Variants in RAPGEF1 observed in about 807,000 individuals in gnomAD.
The protein encoded by RAPGEF1 is CRK SH3-binding GNRP.
A neutral mutation model predicts 143.3 loss-of-function variants in RAPGEF1; 33 were observed. That is an observed-to-expected ratio of 0.23 (90% CI 0.17 to 0.31). RAPGEF1 has a LOEUF of 0.31. RAPGEF1 is among the 10% of genes least tolerant of loss of function. The pLI is 1.00. For missense variants in RAPGEF1, 1,199 were observed against 1,645.4 expected, an observed-to-expected ratio of 0.73 and a Z score of 4.69; for synonymous variants, 629 against 676.5, an observed-to-expected ratio of 0.93 and a Z score of 1.09.
Position 131,579,454 on chromosome 9 carries a change from C to T in RAPGEF1, c.*43G>A, listed in dbSNP as rs773637891. The T allele has an allele frequency of 1.2e-6, 2 of 1,605,444 alleles. No homozygotes were observed. Among genetic ancestry groups the T allele is most frequent in the South Asian group, 1.1e-5 (1 of 89,976 alleles). On this transcript the variant is annotated 3_prime_UTR_variant, in exon 27 of 27. Transcript: ENST00000683357. The stretch of plus-strand genomic sequence containing the variant: ...GGTCCTCTCCGGTCTGGGAGCTGCC[C>T]TCTGCGCCCCTCGAGCATTCTCCTG...
At chr9:131,643,702 A>G (rs536443591) in intron 3 of RAPGEF1, among the ~76,000 whole-genome samples, 6 of 152,182 alleles carry the variant, frequency 3.9e-5, no homozygotes, top group Admixed American at 3.9e-4. Context: ...GTCTGTCCTC[A>G]TCAGCCACAC....
chr9:131,735,966 C>A (rs1233384087), intron 1 of RAPGEF1, among the ~76,000 whole-genome samples: 2 of 152,144 alleles, frequency 1.3e-5, no homozygotes, highest in Admixed American at 6.5e-5. Context: ...GAATCCAGCC[C>A]GCAGCTGCCA....
intron 15 of RAPGEF1, among the ~76,000 whole-genome samples, chr9:131,601,657 G>A (rs1214610267): frequency 6.6e-6 from 1 of 152,190 alleles, no homozygotes; most frequent in Non-Finnish European, 1.5e-5. Context: ...TGTAAGCCCA[G>A]CACTTTGGGA....
At chr9:131,593,172 C>A (rs1954644552) in intron 17 of RAPGEF1, among the ~76,000 whole-genome samples, 1 of 152,222 alleles carries the variant, frequency 6.6e-6, no homozygotes, top group South Asian at 2.1e-4. Context: ...AGCCACTGGG[C>A]AGGTGTGGGC....
chr9:131,738,948 G>A (rs1270235130), intron 1 of RAPGEF1, among the ~76,000 whole-genome samples: 1 of 152,166 alleles, frequency 6.6e-6, no homozygotes, highest in Non-Finnish European at 1.5e-5. Context: ...TATGACCACA[G>A]GGCATGCTCC....
rs189364835 is a variant in RAPGEF1, at chr9:131,619,117, A to T, written c.1995T>A (p.Ala665=). 4 of 1,347,786 alleles carry T rather than the reference A, an allele frequency of 3.0e-6. No homozygotes were observed. In the East Asian group the frequency reaches 1.4e-4, roughly 48 times the overall value. The allele number at this position is 1,347,786 out of a possible 1,614,324, so 83.5% of individuals were successfully genotyped here. ...VAFTPEDGSA[A]QGLSVSVSNS... ...TAGAGACGGACACACTGAGGCCCTG[A>T]GCGGCACTGCCGTCCTCGGGGGTGA... Residue 665 remains alanine, a synonymous_variant, in exon 12 of 27, where the codon GCT becomes GCA. Transcript: ENST00000683357.
intron 1 of RAPGEF1, among the ~76,000 whole-genome samples, chr9:131,734,765 A>G (rs1291132447): frequency 6.6e-6 from 1 of 152,240 alleles, no homozygotes; most frequent in Non-Finnish European, 1.5e-5. Flanking sequence ...CTGAGAAAAT[A>G]TATCATGACA....
intron 3 of RAPGEF1, among the ~76,000 whole-genome samples, chr9:131,647,158 A>C (rs549559946): frequency 8.5e-5 from 13 of 152,360 alleles, no homozygotes; most frequent in Admixed American, 2.0e-4. Flanking sequence ...GTTGCAAAAA[A>C]GTTTAGAAGT....
rs1238915767 is a variant in RAPGEF1, at chr9:131,621,628, A to G, written c.1905+168T>C. Among the ~76,000 whole-genome samples, 1 of 152,166 alleles carries G rather than the reference A, an allele frequency of 6.6e-6. No individual in the cohort carries two copies. The highest frequency in any genetic ancestry group is 2.4e-5 in the African/African-American group (1 of 41,430). On this transcript the variant is annotated intron_variant, in intron 11 of 26. Coordinates refer to ENST00000683357, the MANE Select transcript of RAPGEF1 (RefSeq NM_001377935.1). The surrounding 1 kb of genome is among the most constrained non-coding windows in gnomAD (Gnocchi z 4.5). ...GGCGCTGGGCTGCTGGTGAGCATCT[A>G]AGGAGGAAGTAAAAGCATCTGTGTG...
At chr9:131,710,987 A>G (rs946410682) in intron 1 of RAPGEF1, among the ~76,000 whole-genome samples, 13 of 152,176 alleles carry the variant, frequency 8.5e-5, no homozygotes, top group Non-Finnish European at 1.8e-4. Context: ...ATCAAACAAA[A>G]GAGAACATTT....
At chr9:131,729,377 C>G (rs920278468) in intron 1 of RAPGEF1, among the ~76,000 whole-genome samples, 1 of 152,190 alleles carries the variant, frequency 6.6e-6, no homozygotes, top group African/African-American at 2.4e-5. Flanking sequence ...TACTTTAACT[C>G]GTAAGGGCCA....
At chr9:131,639,270 G>A (rs1279651402) in intron 4 of RAPGEF1, among the ~76,000 whole-genome samples, 1 of 152,168 alleles carries the variant, frequency 6.6e-6, no homozygotes, top group East Asian at 1.9e-4. Flanking sequence ...AAACAGGTCT[G>A]CAGTTTATTA....
chr9:131,669,424 G>C (rs1047401588), intron 1 of RAPGEF1, among the ~76,000 whole-genome samples: 1 of 152,110 alleles, frequency 6.6e-6, no homozygotes, highest in Non-Finnish European at 1.5e-5. Flanking sequence ...AGGCTGCACT[G>C]CACAGTGCAG....
At chr9:131,729,821 C>T (rs1836909795) in intron 1 of RAPGEF1, among the ~76,000 whole-genome samples, 1 of 152,194 alleles carries the variant, frequency 6.6e-6, no homozygotes, top group African/African-American at 2.4e-5. Context: ...TAGCATCGTT[C>T]CCGGCACACA....
At chr9:131,736,132 A>G (rs1371503716) in intron 1 of RAPGEF1, among the ~76,000 whole-genome samples, 2 of 152,130 alleles carry the variant, frequency 1.3e-5, no homozygotes, top group Non-Finnish European at 2.9e-5. Flanking sequence ...AGCTGCATAC[A>G]TCTCCCATCA....
At chr9:131,727,378 A>T (rs2131315646) in intron 1 of RAPGEF1, among the ~76,000 whole-genome samples, 1 of 152,278 alleles carries the variant, frequency 6.6e-6, no homozygotes, top group Admixed American at 6.5e-5. Context: ...CAGAGTTTCC[A>T]TCAGACTCCT....
At chr9:131,652,634 C>T (rs552033373) in intron 1 of RAPGEF1, among the ~76,000 whole-genome samples, 3 of 152,220 alleles carry the variant, frequency 2.0e-5, no homozygotes, top group East Asian at 3.9e-4. Context: ...CTTCCACCTC[C>T]CCATCTTGTC....
intron 5 of RAPGEF1, among the ~76,000 whole-genome samples, chr9:131,637,566 T>C (rs1966704852): frequency 1.3e-5 from 2 of 152,134 alleles, no homozygotes; most frequent in East Asian, 3.9e-4. Flanking sequence ...TTTTTTGACC[T>C]GGGGTAAACA....
rs76165200 is a variant in RAPGEF1, at chr9:131,673,707, C to T, written c.62-22758G>A. On this transcript the variant is annotated intron_variant, in intron 1 of 26. Coordinates refer to ENST00000683357, the MANE Select transcript of RAPGEF1 (RefSeq NM_001377935.1). Reference sequence around the variant, plus strand: ...CAAAAGCACCCCCCCGGCCGCCCCACCCAACAGAGAGGAAAGGAGGGGCCA... The same window carrying T: ...CAAAAGCACCCCCCCGGCCGCCCCATCCAACAGAGAGGAAAGGAGGGGCCA... Among the ~76,000 whole-genome samples, 26 of 152,272 alleles carry T rather than the reference C, an allele frequency of 1.7e-4. No individual in the cohort carries two copies. The East Asian group carries it at 4.8e-3, about 28-fold the overall frequency.
Sources: gnomAD v4.1 joint callset for allele counts (sites outside exome capture counted in the v4.1 genomes callset) on GRCh38, gnomAD v4.1.1 for gene constraint, Gnocchi (gnomAD v3.1) non-coding constraint, MANE v1.5 for transcripts, NCBI Gene and HGNC (gene_info 2026-07-23, HGNC 2026-07-21) for gene names.